Variants in PDE4D observed in about 807,000 individuals in gnomAD.
PDE4D encodes 3',5'-cyclic-AMP phosphodiesterase 4D.
A neutral mutation model predicts 87.4 loss-of-function variants in PDE4D; 24 were observed. That is an observed-to-expected ratio of 0.27 (90% confidence interval 0.20 to 0.39). The LOEUF (loss-of-function observed/expected upper bound fraction) is 0.39. Among genes scored for constraint, PDE4D ranks in the 10% least tolerant of loss-of-function variants. The pLI, the probability that PDE4D is intolerant of heterozygous loss-of-function variation, is 1.00. For missense variants in PDE4D, 714 were observed against 1,041.0 expected, an observed-to-expected ratio of 0.69 and a Z score of 4.32; for synonymous variants, 384 against 383.2, an observed-to-expected ratio of 1.00 and a Z score of -0.02.
chr5:59,486,013 A>C (rs182572418), intron 1 of PDE4D, among the ~76,000 whole-genome samples: 1 of 152,176 alleles, frequency 6.6e-6, no homozygotes, highest in East Asian at 1.9e-4. Flanking sequence ...CTCCCTCCTC[A>C]TGACAACAAG....
chr5:59,242,154 G>A (rs1757814082), intron 1 of PDE4D, among the ~76,000 whole-genome samples: 2 of 152,112 alleles, frequency 1.3e-5, no homozygotes, highest in Non-Finnish European at 2.9e-5. Context: ...TACTCAAGAA[G>A]CTGACATTGG....
At chr5:60,330,710 G>GA in intron 1 of PDE4D, among the ~76,000 whole-genome samples, 1 of 152,300 alleles carries the variant, frequency 6.6e-6, no homozygotes, top group African/African-American at 2.4e-5. Context: ...AGTAAGAAAA[G>GA]AAAAACATTT....
intron 6 of PDE4D, among the ~76,000 whole-genome samples, chr5:59,035,957 T>C (rs1189399161): frequency 6.6e-6 from 1 of 152,196 alleles, no homozygotes; most frequent in Non-Finnish European, 1.5e-5. Flanking sequence ...CAGCCAACCC[T>C]AGCCTTGGCC....
intron 1 of PDE4D, among the ~76,000 whole-genome samples, chr5:60,227,371 G>A (rs912393286): frequency 1.9e-4 from 29 of 151,986 alleles, no homozygotes; most frequent in Non-Finnish European, 3.4e-4. Flanking sequence ...TATTTCATAC[G>A]ATTCCCAGAA....
At chr5:59,981,345 A>C (rs1761914205) in intron 3 of PDE4D, among the ~76,000 whole-genome samples, 1 of 152,220 alleles carries the variant, frequency 6.6e-6, no homozygotes, top group African/African-American at 2.4e-5. Context: ...CAATGCTTTA[A>C]AATAAAAGGC....
At chr5:59,811,569 C>T (rs988761025) in intron 1 of PDE4D, among the ~76,000 whole-genome samples, 5 of 152,204 alleles carry the variant, frequency 3.3e-5, no homozygotes, top group African/African-American at 9.6e-5. Flanking sequence ...CTCTCAGCCT[C>T]TCTCCATGAG....
intron 2 of PDE4D, among the ~76,000 whole-genome samples, chr5:60,053,700 T>C (rs961382372): frequency 2.6e-5 from 4 of 151,066 alleles, no homozygotes; most frequent in Non-Finnish European, 4.5e-5. Flanking sequence ...TGGAATCTAA[T>C]CAAAGAGCTT....
chr5:60,320,592 C>G (rs1469725932), intron 1 of PDE4D, among the ~76,000 whole-genome samples: 4 of 152,180 alleles, frequency 2.6e-5, no homozygotes, highest in African/African-American at 9.7e-5. Flanking sequence ...GAGCTTTAGA[C>G]TGGAGCTGTT....
At chr5:59,109,472 CA>C in intron 5 of PDE4D, among the ~76,000 whole-genome samples, 1 of 152,122 alleles carries the variant, frequency 6.6e-6, no homozygotes, top group Non-Finnish European at 1.5e-5. Context: ...AAGGAAAGCC[CA>C]AAGTAATAGA....
intron 1 of PDE4D, among the ~76,000 whole-genome samples, chr5:60,458,419 C>CA (rs1451393862): frequency 9.5e-6 from 1 of 105,316 alleles, no homozygotes; most frequent in East Asian, 3.6e-4. Flanking sequence ...GCAAAAGAAA[C>CA]AAAGAATGTG....
chr5:60,252,591 G>A (rs1748601827), intron 1 of PDE4D, among the ~76,000 whole-genome samples: 1 of 151,684 alleles, frequency 6.6e-6, no homozygotes, highest in Non-Finnish European at 1.5e-5. Context: ...AATGGCAGGG[G>A]TATGGGCTGA....
chr5:59,790,359 A>AT (rs1348549954), intron 1 of PDE4D, among the ~76,000 whole-genome samples: 2 of 152,208 alleles, frequency 1.3e-5, no homozygotes, highest in Admixed American at 1.3e-4. Flanking sequence ...CCAAAGGCAC[A>AT]TTTTTTTCTT....
At chr5:60,189,080 G>C (rs370078808) in intron 1 of PDE4D, among the ~76,000 whole-genome samples, 7 of 152,310 alleles carry the variant, frequency 4.6e-5, no homozygotes, top group African/African-American at 1.7e-4. Context: ...GCACTAAAAA[G>C]AAAGCCAGGC....
chr5:59,183,242 C>T (rs1742082301), intron 4 of PDE4D, among the ~76,000 whole-genome samples: 1 of 152,178 alleles, frequency 6.6e-6, no homozygotes, highest in African/African-American at 2.4e-5. Context: ...CCACAGTGGC[C>T]TTTACTTAGA....
chr5:59,616,918 C>CATATATATATATATATAT (rs55821264), intron 1 of PDE4D, among the ~76,000 whole-genome samples: 6,210 of 62,170 alleles, frequency 0.1, 1,208 homozygotes, highest in Non-Finnish European at 0.13. Flanking sequence ...CTAATAATTA[C>CATATATATATATATATAT]ATATATATAT....
intron 1 of PDE4D, among the ~76,000 whole-genome samples, chr5:59,869,797 T>C (rs1223221777): frequency 2.0e-5 from 3 of 152,166 alleles, no homozygotes; most frequent in Non-Finnish European, 4.4e-5. Flanking sequence ...ATCAAAAACT[T>C]CAGGAAAAGT....
chr5:60,410,826 T>G (rs992932201), intron 1 of PDE4D, among the ~76,000 whole-genome samples: 4 of 152,226 alleles, frequency 2.6e-5, no homozygotes, highest in Admixed American at 6.5e-5. Context: ...TGTGATAATA[T>G]GATGGCAATG....
intron 1 of PDE4D, among the ~76,000 whole-genome samples, chr5:59,319,425 GA>G (rs1467680566): frequency 6.6e-6 from 1 of 151,970 alleles, no homozygotes; most frequent in Non-Finnish European, 1.5e-5. Flanking sequence ...TTTACTGATT[GA>G]AAAAAGTTTC....
chr5:60,077,978 C>T (rs1773501205), intron 2 of PDE4D, among the ~76,000 whole-genome samples: 1 of 152,134 alleles, frequency 6.6e-6, no homozygotes, highest in Non-Finnish European at 1.5e-5. Context: ...GCATCTGTGT[C>T]TTCCCTCTAT....
Sources: gnomAD v4.1 joint callset for allele counts (sites outside exome capture counted in the v4.1 genomes callset) on GRCh38, gnomAD v4.1.1 for gene constraint, MANE v1.5 for transcripts, NCBI Gene and HGNC (gene_info 2026-07-23, HGNC 2026-07-21) for gene names.